Variants in RSPO2 observed in about 807,000 individuals in gnomAD.
RSPO2 encodes R-spondin 2, also known as R-spondin-2.
A neutral mutation model predicts 30.9 loss-of-function variants in RSPO2; 14 were observed. The observed-to-expected ratio is 0.45, with a 90% CI of 0.30 to 0.71. The LOEUF (loss-of-function observed/expected upper bound fraction) is 0.71. Ranked by LOEUF, RSPO2 falls within the 30% of genes least tolerant of loss-of-function variation. RSPO2 has a pLI of 0.08. For missense variants in RSPO2, 264 were observed against 301.9 expected, an observed-to-expected ratio of 0.87 and a Z score of 0.93; for synonymous variants, 107 against 96.4, an observed-to-expected ratio of 1.11 and a Z score of -0.64.
intron 3 of RSPO2, among the ~76,000 whole-genome samples, chr8:107,968,513 T>A (rs1433867864): frequency 1.3e-5 from 2 of 152,068 alleles, no homozygotes; most frequent in East Asian, 3.9e-4. Context: ...GAATAAGTTC[T>A]AGTATTCAAT....
At chr8:108,046,307 T>C (rs1811907842) in intron 2 of RSPO2, among the ~76,000 whole-genome samples, 1 of 152,190 alleles carries the variant, frequency 6.6e-6, no homozygotes. Context: ...TTGATTGCCT[T>C]GTGAAATGTC....
chr8:108,057,462 A>T (rs1448495781), intron 2 of RSPO2, among the ~76,000 whole-genome samples: 1 of 151,784 alleles, frequency 6.6e-6, no homozygotes, highest in Non-Finnish European at 1.5e-5. Flanking sequence ...AACTACAGTA[A>T]GTGGCTATAA....
At chr8:107,958,457 G>A (rs1813503153) in intron 4 of RSPO2, among the ~76,000 whole-genome samples, 189 bp from the exon 5 acceptor site, 1 of 152,010 alleles carries the variant, frequency 6.6e-6, no homozygotes, top group Non-Finnish European at 1.5e-5. Flanking sequence ...TGAACCATAA[G>A]ATATTTCTAT....
intron 5 of RSPO2, among the ~76,000 whole-genome samples, chr8:107,902,817 C>A (rs2130242422): frequency 6.6e-6 from 1 of 152,112 alleles, no homozygotes; most frequent in African/African-American, 2.4e-5. Context: ...TAGGACATTG[C>A]ATTAAAACAA....
intron 5 of RSPO2, among the ~76,000 whole-genome samples, chr8:107,956,952 C>G (rs892598055): frequency 6.6e-6 from 1 of 152,122 alleles, no homozygotes; most frequent in Non-Finnish European, 1.5e-5. Flanking sequence ...CCTAAAAAAA[C>G]TTTGTTTCAA....
intron 5 of RSPO2, among the ~76,000 whole-genome samples, chr8:107,904,964 T>C (rs1198201699): frequency 6.6e-6 from 1 of 152,068 alleles, no homozygotes; most frequent in Non-Finnish European, 1.5e-5. Context: ...TGCAGAGAAA[T>C]ATGAACAATT....
At chr8:107,999,756 T>C (rs886789849) in intron 2 of RSPO2, among the ~76,000 whole-genome samples, 17 of 151,894 alleles carry the variant, frequency 1.1e-4, no homozygotes, top group Admixed American at 2.6e-4. Context: ...TTTTTAAATA[T>C]TGGGGGAGAA....
chr8:108,048,609 C>CAA, intron 2 of RSPO2, among the ~76,000 whole-genome samples: 1 of 152,140 alleles, frequency 6.6e-6, no homozygotes, highest in East Asian at 1.9e-4. Flanking sequence ...TTGATCTTTT[C>CAA]AAAAAACCCG....
chr8:108,041,751 TAA>T (rs1221329013), intron 2 of RSPO2, among the ~76,000 whole-genome samples: 1 of 151,868 alleles, frequency 6.6e-6, no homozygotes, highest in Non-Finnish European at 1.5e-5. Context: ...GGAAATGCAA[TAA>T]AGAGTCCAAA....
intron 5 of RSPO2, among the ~76,000 whole-genome samples, chr8:107,928,899 G>C (rs757769759): frequency 5.3e-5 from 8 of 152,186 alleles, no homozygotes; most frequent in Non-Finnish European, 1.0e-4. Flanking sequence ...GTAGTTGGTG[G>C]TGATAATAAC....
intron 3 of RSPO2, among the ~76,000 whole-genome samples, chr8:107,975,243 A>G (rs1381476215): frequency 6.6e-6 from 1 of 152,240 alleles, no homozygotes; most frequent in Non-Finnish European, 1.5e-5. Flanking sequence ...GTAGTTAATA[A>G]ATAGGAATGC....
intron 5 of RSPO2, among the ~76,000 whole-genome samples, chr8:107,916,887 T>C (rs1811999170): frequency 6.6e-6 from 1 of 152,224 alleles, no homozygotes; most frequent in Non-Finnish European, 1.5e-5. Flanking sequence ...AAAAAGTTTA[T>C]GAAAATGTTA....
intron 2 of RSPO2, among the ~76,000 whole-genome samples, chr8:108,033,086 A>C (rs1375188236): frequency 6.7e-6 from 1 of 149,636 alleles, no homozygotes; most frequent in Non-Finnish European, 1.5e-5. Context: ...AAATTTGTAG[A>C]TACGGGGTCT....
intron 2 of RSPO2, among the ~76,000 whole-genome samples, chr8:107,991,288 A>G (rs919348288): frequency 3.3e-5 from 5 of 150,184 alleles, no homozygotes; most frequent in South Asian, 4.2e-4. Flanking sequence ...ACACACACAC[A>G]CACGCAATGG....
At chr8:107,941,628 C>T (rs1433581921) in intron 5 of RSPO2, among the ~76,000 whole-genome samples, 1 of 152,156 alleles carries the variant, frequency 6.6e-6, no homozygotes, top group Non-Finnish European at 1.5e-5. Flanking sequence ...CTATAAGAGA[C>T]CACTCTGACC....
At chr8:108,058,630 G>C (rs1812339004) in intron 2 of RSPO2, among the ~76,000 whole-genome samples, 1 of 151,940 alleles carries the variant, frequency 6.6e-6, no homozygotes, top group Non-Finnish European at 1.5e-5. Context: ...AAACAGCATG[G>C]TACTGGTACC....
At chr8:107,933,366 T>C (rs1398640324) in intron 5 of RSPO2, among the ~76,000 whole-genome samples, 2 of 152,194 alleles carry the variant, frequency 1.3e-5, no homozygotes, top group Non-Finnish European at 2.9e-5. Context: ...ATACGAAATA[T>C]ACACATATTT....
chr8:107,990,673 T>A (rs1045751328), intron 2 of RSPO2, among the ~76,000 whole-genome samples: 6 of 152,118 alleles, frequency 3.9e-5, no homozygotes, highest in Non-Finnish European at 8.8e-5. Flanking sequence ...AAACTACCAT[T>A]GACATTTTTC....
intron 2 of RSPO2, among the ~76,000 whole-genome samples, chr8:108,072,053 G>A (rs531946355): frequency 6.6e-6 from 1 of 152,252 alleles, no homozygotes; most frequent in South Asian, 2.1e-4. Flanking sequence ...TTGGGGGTGA[G>A]CAGATGATAT....
Sources: allele counts gnomAD v4.1 joint callset (sites outside exome capture counted in the v4.1 genomes callset), GRCh38; gene constraint gnomAD v4.1.1; transcripts MANE v1.5; gene names NCBI Gene and HGNC (gene_info 2026-07-23, HGNC 2026-07-21).